The following ZNF592 variants were observed in gnomAD, a reference collection of about 807,000 sequenced individuals.
ZNF592 encodes zinc finger protein 592.
ZNF592 carries 11 observed loss-of-function variants against 80.3 expected under a neutral mutation model. That is an observed-to-expected ratio of 0.14 (90% CI 0.09 to 0.23). The LOEUF is 0.23. Ranked by LOEUF, ZNF592 falls within the 10% of genes least tolerant of loss-of-function variation. The pLI, the probability that ZNF592 is intolerant of heterozygous loss-of-function variation, is 1.00. For missense variants in ZNF592, 1,420 were observed against 1,633.9 expected (o/e 0.87, Z 2.26); for synonymous variants, 646 against 640.3 (o/e 1.01, Z -0.13).
intron 1 of ZNF592, among the ~76,000 whole-genome samples, chr15:84,750,491 A>G (rs1364125224): frequency 1.3e-5 from 2 of 152,196 alleles, no homozygotes; most frequent in Non-Finnish European, 2.9e-5. Flanking sequence ...AAAAAGTGTG[A>G]AATGCTAAGG....
At chr15:84,752,913 A>T (rs1187218843) in intron 1 of ZNF592, among the ~76,000 whole-genome samples, 2 of 152,110 alleles carry the variant, frequency 1.3e-5, no homozygotes, top group Non-Finnish European at 2.9e-5. Context: ...GAGAAATGAA[A>T]CTGCAGAGTG....
At chr15:84,785,164 G>C (rs1008044602) in intron 4 of ZNF592, among the ~76,000 whole-genome samples, 1 of 152,226 alleles carries the variant, frequency 6.6e-6, no homozygotes, top group Non-Finnish European at 1.5e-5. Flanking sequence ...TCAAGGCCCA[G>C]TGTCAGGCCC....
chr15:84,765,191 T>TA (rs1899471934), intron 2 of ZNF592, among the ~76,000 whole-genome samples: 1 of 152,216 alleles, frequency 6.6e-6, no homozygotes, highest in Non-Finnish European at 1.5e-5. Context: ...GTAGCATGTG[T>TA]CAGAATTTCC....
chr15:84,790,910 G>A, intron 5 of ZNF592, 27 bp downstream of exon 5: 1 of 1,614,028 alleles, frequency 6.2e-7, no homozygotes, highest in Non-Finnish European at 8.5e-7. Flanking sequence ...TTGCTGTCCT[G>A]GTATTGCCCA....
intron 4 of ZNF592, among the ~76,000 whole-genome samples, chr15:84,789,886 C>T (rs1041602102): frequency 6.6e-6 from 1 of 152,192 alleles, no homozygotes; most frequent in African/African-American, 2.4e-5. Flanking sequence ...AGCATGCAGG[C>T]ACCAGCGAAG....
chr15:84,765,522 A>G (rs1596110594), intron 2 of ZNF592, among the ~76,000 whole-genome samples: 1 of 136,214 alleles, frequency 7.3e-6, no homozygotes, highest in South Asian at 2.3e-4. Flanking sequence ...CCTCACTAGC[A>G]CTTGTTATTA....
chr15:84,788,374 A>G (rs1297191214), intron 4 of ZNF592, among the ~76,000 whole-genome samples: 1 of 152,124 alleles, frequency 6.6e-6, no homozygotes, highest in Non-Finnish European at 1.5e-5. Context: ...TTTCTCATTT[A>G]TTAGCTAGAA....
At chr15:84,754,259 C>T (rs1230793644) in intron 1 of ZNF592, among the ~76,000 whole-genome samples, 4 of 152,088 alleles carry the variant, frequency 2.6e-5, no homozygotes, top group South Asian at 2.1e-4. Context: ...AGTGTTAAAT[C>T]CAGAGGTAAT....
rs1567077554 is a variant in ZNF592 at position 84,798,515 on chromosome 15, T to A, written c.2736+41T>A. 1.2e-6 allele frequency: 2 copies of A among 1,613,876 alleles called. No individual in the cohort carries two copies. The highest frequency in any genetic ancestry group is 1.7e-6 in the Non-Finnish European group (2 of 1,179,884). ...GGAGGAGGCCGGGGAGGAGGGCACA[T>A]GCCTCAGGCTGGGGGTCTGACTCTG... On this transcript the variant is annotated intron_variant, in intron 7 of 10. Coordinates refer to ENST00000560079, the MANE Select transcript of ZNF592 (RefSeq NM_014630.3). The surrounding 1 kb of genome is among the most constrained non-coding windows in gnomAD (Gnocchi z 4.5).
chr15:84,801,822 G>C, intron 10 of ZNF592, 41 bp from the exon 11 acceptor site: 1 of 1,613,924 alleles, frequency 6.2e-7, no homozygotes, highest in South Asian at 1.1e-5. Context: ...CTCATGTCCA[G>C]GGCTTGGCCT....
At position 84,798,794 on chromosome 15, in the gene ZNF592, T is replaced by C. The variant is rs750834848; in HGVS notation, c.2943T>C (p.Thr981=). The C allele has an allele frequency of 1.2e-6, 2 of 1,601,838 alleles. No individual in the cohort carries two copies. The highest frequency in any genetic ancestry group is 1.7e-6 in the Non-Finnish European group (2 of 1,179,592). ...AAGCCAGGCCGCGGCTGAGGAACAC[T>C]GGCTGGACCTGCCAGGAGTGCCAGG... ...RVEARPRLRN[T]GWTCQECQEW... The change falls in exon 8 of 11, where the codon ACT becomes ACC. Residue 981 remains threonine (T), a synonymous_variant. Transcript: ENST00000560079. This position sits in a 1 kb window ranked among gnomAD's most constrained non-coding sequence, Gnocchi z 4.5.
chr15:84,791,745 C>A (rs926982665), intron 5 of ZNF592, among the ~76,000 whole-genome samples: 2 of 152,046 alleles, frequency 1.3e-5, no homozygotes, highest in Non-Finnish European at 2.9e-5. Flanking sequence ...GGAAAGCTTC[C>A]TAAAGGAGAT....
At position 84,804,828 on chromosome 15, in the gene ZNF592, C is replaced by G. The variant is rs1403648300; in HGVS notation, c.*2435C>G. 10 of 152,190 alleles carry G rather than the reference C, an allele frequency of 6.6e-5. No individual in the cohort carries two copies. The highest frequency in any genetic ancestry group is 2.6e-4 in the Admixed American group (4 of 15,276). The allele number at this position is 152,190 out of a possible 1,614,324, so 9.4% of individuals were successfully genotyped here. A position where few individuals can be genotyped will look rare whatever the true frequency, so the allele number is the denominator to read the frequency against. ...AGCATTTTAAGCCCTCCTTGTGTGC[C>G]TAGCATCTTACTGAACACTTTCTGG... On this transcript the variant is annotated 3_prime_UTR_variant, in exon 11 of 11. Coordinates refer to ENST00000560079, the MANE Select transcript of ZNF592 (RefSeq NM_014630.3).
At chr15:84,797,108 G>A (rs1962940644) in intron 5 of ZNF592, among the ~76,000 whole-genome samples, 2 of 152,046 alleles carry the variant, frequency 1.3e-5, no homozygotes, top group African/African-American at 2.4e-5. Context: ...TTACAGGCAC[G>A]TGCCACCATG....
intron 5 of ZNF592, among the ~76,000 whole-genome samples, chr15:84,796,294 TAAAA>T (rs781339991): frequency 1.2e-3 from 53 of 43,442 alleles, no homozygotes; most frequent in Middle Eastern, 0.013. Flanking sequence ...TATATATATA[TAAAA>T]AAACGAAGGG....
At chr15:84,797,207 C>T (rs1962943558) in intron 5 of ZNF592, among the ~76,000 whole-genome samples, 1 of 152,218 alleles carries the variant, frequency 6.6e-6, no homozygotes, top group Non-Finnish European at 1.5e-5. Flanking sequence ...GTGATCCACC[C>T]TCCTTGGCCT....
At chr15:84,754,188 G>A (rs867229794) in intron 1 of ZNF592, among the ~76,000 whole-genome samples, 1 of 152,152 alleles carries the variant, frequency 6.6e-6, no homozygotes, top group African/African-American at 2.4e-5. Context: ...ATGGGCTGTC[G>A]TCCCCTGGTC....
chr15:84,789,276 G>T, intron 4 of ZNF592, among the ~76,000 whole-genome samples: 1 of 149,914 alleles, frequency 6.7e-6, no homozygotes. Flanking sequence ...CTTTTTTTAA[G>T]GCTGAATAAT....
chr15:84,754,819 A>G (rs1227322890), intron 1 of ZNF592, among the ~76,000 whole-genome samples: 2 of 152,094 alleles, frequency 1.3e-5, no homozygotes, highest in Non-Finnish European at 2.9e-5. Context: ...AACGACTGCC[A>G]CTGTGTTGAG....
Sources: gnomAD v4.1 joint callset for allele counts (sites outside exome capture counted in the v4.1 genomes callset) on GRCh38, gnomAD v4.1.1 for gene constraint, Gnocchi (gnomAD v3.1) non-coding constraint, MANE v1.5 for transcripts, NCBI Gene and HGNC (gene_info 2026-07-23, HGNC 2026-07-21) for gene names.